SLC25A21: variants seen among roughly 807,000 people sequenced by gnomAD.
SLC25A21 encodes the protein solute carrier family 25 member 21, also known as mitochondrial 2-oxodicarboxylate carrier.
In SLC25A21, 47 loss-of-function variants were observed where a neutral mutation model predicts 43.8. The observed-to-expected ratio is 1.07, with a 90% confidence interval of 0.85 to 1.37. The LOEUF (loss-of-function observed/expected upper bound fraction) is 1.37, where lower values mean the gene tolerates loss of function less well. Among genes scored for constraint, SLC25A21 ranks in the 40% most tolerant of loss-of-function variants. The pLI is 0.00. For missense variants in SLC25A21, 352 were observed against 350.2 expected (o/e 1.00, Z -0.04); for synonymous variants, 131 against 121.3 (o/e 1.08, Z -0.52).
intron 3 of SLC25A21, among the ~76,000 whole-genome samples, chr14:36,789,389 G>C (rs994910205): frequency 2.6e-5 from 4 of 151,812 alleles, no homozygotes. Flanking sequence ...AATGAAGAAA[G>C]AACTTGCCAT....
chr14:36,971,846 A>T (rs911320026), intron 1 of SLC25A21, among the ~76,000 whole-genome samples: 3 of 152,150 alleles, frequency 2.0e-5, no homozygotes, highest in Admixed American at 2.0e-4. Flanking sequence ...CTCAAAGTAC[A>T]AGTACTAGTT....
intron 3 of SLC25A21, among the ~76,000 whole-genome samples, chr14:36,737,048 G>C (rs1885071284): frequency 6.6e-6 from 1 of 152,184 alleles, no homozygotes; most frequent in East Asian, 1.9e-4. Context: ...AGCAATGGGA[G>C]ATACACAGCA....
chr14:36,710,382 A>G (rs10147511), intron 7 of SLC25A21, among the ~76,000 whole-genome samples: 7 of 123,954 alleles, frequency 5.6e-5, no homozygotes, highest in East Asian at 1.5e-3. Flanking sequence ...TCCAAGAAAA[A>G]AAAAGAAAAG....
chr14:36,693,741 C>T (rs1882892043), intron 7 of SLC25A21, among the ~76,000 whole-genome samples: 1 of 152,074 alleles, frequency 6.6e-6, no homozygotes, highest in Non-Finnish European at 1.5e-5. Context: ...TCAAGCGATC[C>T]TCCCACCTCA....
At chr14:37,095,277 G>A (rs1051557364) in intron 1 of SLC25A21, among the ~76,000 whole-genome samples, 1 of 152,126 alleles carries the variant, frequency 6.6e-6, no homozygotes, top group Non-Finnish European at 1.5e-5. Flanking sequence ...TGGCACGGTG[G>A]GAGGCCAAAG....
chr14:36,798,022 C>T (rs932195855), intron 3 of SLC25A21, among the ~76,000 whole-genome samples: 11 of 152,090 alleles, frequency 7.2e-5, no homozygotes, highest in Admixed American at 7.2e-4. Context: ...TAGAGTTTAA[C>T]TGGAGGCTGT....
At position 36,686,872 on chromosome 14, in the gene SLC25A21, C is replaced by T. The variant is rs969815185; in HGVS notation, c.604-1947G>A. Among the ~76,000 whole-genome samples the T allele has an allele frequency of 2.0e-5, 3 of 152,252 alleles. No homozygotes were observed. In the South Asian group the frequency reaches 6.2e-4, roughly 32 times the overall value. ...TCAATGATGGTCATTGTGCTTGAGA[C>T]ATGGCATTGGAAACCAAAAGGTTAG... On this transcript the variant is annotated intron_variant, in intron 7 of 9. Transcript: ENST00000331299.
At chr14:37,151,977 G>T (rs2138935389) in intron 1 of SLC25A21, among the ~76,000 whole-genome samples, 1 of 152,268 alleles carries the variant, frequency 6.6e-6, no homozygotes, top group South Asian at 2.1e-4. Flanking sequence ...GGGGTTTGCA[G>T]TGAGCCGAGG....
rs189093590 is a variant in SLC25A21, at chr14:36,889,430, G to C, written c.71-14426C>G. 2.0e-5 allele frequency among the ~76,000 whole-genome samples: 3 copies of C among 152,268 alleles called. No homozygotes were observed. In the East Asian group the frequency reaches 5.8e-4, roughly 29 times the overall value. On this transcript the variant is annotated intron_variant, in intron 1 of 9. Transcript: ENST00000331299. Reference sequence around the variant, plus strand: ...ATACATTTCATAACATACATATTTAGTTGTAATAACATTGAATACATTAGT... The same window carrying C: ...ATACATTTCATAACATACATATTTACTTGTAATAACATTGAATACATTAGT...
intron 1 of SLC25A21, among the ~76,000 whole-genome samples, chr14:37,041,343 T>C (rs1961467335): frequency 6.6e-6 from 1 of 152,154 alleles, no homozygotes; most frequent in Admixed American, 6.5e-5. Context: ...TCTGTTAAAA[T>C]GACCCATGTG....
Position 36,782,736 on chromosome 14 carries a change from G to A in SLC25A21, c.203+31182C>T, listed in dbSNP as rs151252818. Reference sequence around the variant, plus strand: ...CAAACACCGCATATTCTCACTCATAGGTGGGAACTGAACAATGAGATCACA... The same window carrying A: ...CAAACACCGCATATTCTCACTCATAAGTGGGAACTGAACAATGAGATCACA... On this transcript the variant is annotated intron_variant, in intron 3 of 9. Transcript: ENST00000331299. 5.1e-3 allele frequency among the ~76,000 whole-genome samples: 769 copies of A among 150,248 alleles called. 6 individuals carry two copies. Among genetic ancestry groups the A allele is most frequent in the African/African-American group, 0.018 (717 of 40,784 alleles).
At chr14:36,721,175 C>T (rs1217479989) in intron 6 of SLC25A21, among the ~76,000 whole-genome samples, 2 of 152,206 alleles carry the variant, frequency 1.3e-5, no homozygotes, top group South Asian at 2.1e-4. Context: ...CATATATTAA[C>T]ACATTAAAAT....
At chr14:36,795,634 C>T (rs1045179033) in intron 3 of SLC25A21, among the ~76,000 whole-genome samples, 2 of 152,166 alleles carry the variant, frequency 1.3e-5, no homozygotes, top group Admixed American at 6.5e-5. Flanking sequence ...TTTTCTAATA[C>T]TGGGGCTACT....
Position 37,145,442 on chromosome 14 carries a change from TAC to T in SLC25A21, c.70+26837_70+26838del, listed in dbSNP as rs779746223. 2.3e-3 allele frequency among the ~76,000 whole-genome samples: 330 copies of T among 145,334 alleles called. 1 individual carries two copies. Among genetic ancestry groups the T allele is most frequent in the African/African-American group, 7.5e-3 (290 of 38,812 alleles). On this transcript the variant is annotated intron_variant, in intron 1 of 9. Transcript: ENST00000331299. ...TGAAGTGAAATCTAAAATACTAAAA[TAC>T]ACACACACACACACACACACACACA...
At chr14:37,014,293 A>T (rs891470487) in intron 1 of SLC25A21, among the ~76,000 whole-genome samples, 1 of 152,138 alleles carries the variant, frequency 6.6e-6, no homozygotes, top group Non-Finnish European at 1.5e-5. Context: ...TCAAAATTAG[A>T]GTTAATCCAC....
intron 7 of SLC25A21, among the ~76,000 whole-genome samples, chr14:36,709,155 G>A (rs11626477): frequency 0.4 from 60,875 of 151,898 alleles, 13,516 homozygotes; most frequent in Admixed American, 0.51. Flanking sequence ...TTACAGGCAT[G>A]TGCCATGATG....
chr14:37,163,256 C>T (rs1048046598), intron 1 of SLC25A21, among the ~76,000 whole-genome samples: 1 of 151,320 alleles, frequency 6.6e-6, no homozygotes, highest in Admixed American at 6.6e-5. Context: ...CTAACCTGCA[C>T]ATTGTGCACA....
intron 1 of SLC25A21, among the ~76,000 whole-genome samples, chr14:36,907,584 T>C (rs574400469): frequency 1.3e-5 from 2 of 152,164 alleles, no homozygotes; most frequent in Non-Finnish European, 2.9e-5. Flanking sequence ...CTTTATAAGA[T>C]TCCCTTGAGC....
chr14:36,801,429 G>A (rs1408965), intron 3 of SLC25A21, among the ~76,000 whole-genome samples: 63,604 of 151,888 alleles, frequency 0.42, 13,784 homozygotes, highest in East Asian at 0.69. Flanking sequence ...CAGCCCAGAC[G>A]TGGCTTTGAC....
Sources: allele counts gnomAD v4.1 joint callset (sites outside exome capture counted in the v4.1 genomes callset), GRCh38; gene constraint gnomAD v4.1.1; transcripts MANE v1.5; gene names NCBI Gene and HGNC (gene_info 2026-07-23, HGNC 2026-07-21).